CAMKMT: variants seen among roughly 807,000 people sequenced by gnomAD.
CAMKMT encodes the protein CaM KMT.
CAMKMT carries 53 observed loss-of-function variants against 48.0 expected under a neutral mutation model. The ratio of observed to expected loss-of-function variants is 1.10; its 90% CI spans 0.89 to 1.39. The LOEUF (loss-of-function observed/expected upper bound fraction) is 1.39. Among genes scored for constraint, CAMKMT ranks in the 40% most tolerant of loss-of-function variants. The pLI, the probability that CAMKMT is intolerant of heterozygous loss-of-function variation, is 0.00. For synonymous variants in CAMKMT, 165 were observed against 152.3 expected, an observed-to-expected ratio of 1.08 and a Z score of -0.61; for missense variants, 428 against 402.7, an observed-to-expected ratio of 1.06 and a Z score of -0.54.
At chr2:44,478,105 G>A (rs1234403304) in intron 3 of CAMKMT, among the ~76,000 whole-genome samples, 1 of 152,154 alleles carries the variant, frequency 6.6e-6, no homozygotes, top group African/African-American at 2.4e-5. Flanking sequence ...TGTGACCAAA[G>A]ATCTGAATAT....
chr2:44,428,364 A>G (rs1474735968), intron 3 of CAMKMT, among the ~76,000 whole-genome samples: 1 of 152,206 alleles, frequency 6.6e-6, no homozygotes, highest in Non-Finnish European at 1.5e-5. Flanking sequence ...CTCGACGTTC[A>G]GACACATCTT....
At chr2:44,436,520 A>G (rs552735266) in intron 3 of CAMKMT, among the ~76,000 whole-genome samples, 1 of 151,952 alleles carries the variant, frequency 6.6e-6, no homozygotes, top group East Asian at 1.9e-4. Context: ...GATAGTAAAT[A>G]TTTTAGGTTT....
chr2:44,550,405 A>G (rs1013689442), intron 3 of CAMKMT, among the ~76,000 whole-genome samples: 8 of 152,098 alleles, frequency 5.3e-5, no homozygotes, highest in Admixed American at 3.9e-4. Flanking sequence ...AAGAAAAAAA[A>G]AAAGAAAGAA....
chr2:44,624,254 T>C (rs1672351828), intron 3 of CAMKMT, among the ~76,000 whole-genome samples: 1 of 152,226 alleles, frequency 6.6e-6, no homozygotes, highest in African/African-American at 2.4e-5. Context: ...ATATAAATTT[T>C]CATTATTCTT....
chr2:44,664,522 G>C (rs1305072062), intron 3 of CAMKMT, among the ~76,000 whole-genome samples: 1 of 152,136 alleles, frequency 6.6e-6, no homozygotes, highest in African/African-American at 2.4e-5. Context: ...TATTGGCTCA[G>C]CTTTTATTTC....
intron 3 of CAMKMT, among the ~76,000 whole-genome samples, chr2:44,590,633 A>C (rs1348508075): frequency 6.6e-6 from 1 of 151,938 alleles, no homozygotes; most frequent in African/African-American, 2.4e-5. Flanking sequence ...ATTTGAGTTC[A>C]TTGTATATTC....
chr2:44,630,020 A>G (rs1672723760), intron 3 of CAMKMT, among the ~76,000 whole-genome samples: 1 of 151,598 alleles, frequency 6.6e-6, no homozygotes. Flanking sequence ...AGTAACCAAA[A>G]CAGCATGGTA....
intron 3 of CAMKMT, among the ~76,000 whole-genome samples, chr2:44,547,566 C>T (rs1226266620): frequency 6.6e-6 from 1 of 151,886 alleles, no homozygotes; most frequent in African/African-American, 2.4e-5. Context: ...TGAAAGATGA[C>T]CCTAAACTTA....
intron 3 of CAMKMT, among the ~76,000 whole-genome samples, chr2:44,575,800 T>C (rs985804959): frequency 2.6e-5 from 4 of 151,058 alleles, no homozygotes; most frequent in African/African-American, 9.7e-5. Context: ...AAGACTGCAG[T>C]CAGCCATGTA....
intron 3 of CAMKMT, among the ~76,000 whole-genome samples, chr2:44,507,111 A>T (rs2104757535): frequency 6.6e-6 from 1 of 151,930 alleles, no homozygotes; most frequent in African/African-American, 2.4e-5. Flanking sequence ...ATCAGAAAGG[A>T]ATAGAAAAAT....
intron 1 of CAMKMT, 143 bp downstream of exon 1, chr2:44,362,288 C>T: frequency 1.5e-6 from 1 of 660,786 alleles, no homozygotes. Flanking sequence ...CGAAGCTCCC[C>T]CTCGCTTCAC....
At chr2:44,418,302 A>C (rs965317061) in intron 3 of CAMKMT, among the ~76,000 whole-genome samples, 7 of 152,014 alleles carry the variant, frequency 4.6e-5, no homozygotes, top group African/African-American at 1.4e-4. Context: ...TGTTTAAAAA[A>C]ATCTATGAAT....
chr2:44,584,650 A>G (rs968893827), intron 3 of CAMKMT, among the ~76,000 whole-genome samples: 1 of 152,226 alleles, frequency 6.6e-6, no homozygotes, highest in African/African-American at 2.4e-5. Flanking sequence ...TGCTATACAT[A>G]AAGCATGGTA....
At chr2:44,518,227 C>G (rs1442082379) in intron 3 of CAMKMT, among the ~76,000 whole-genome samples, 1 of 151,990 alleles carries the variant, frequency 6.6e-6, no homozygotes, top group Non-Finnish European at 1.5e-5. Flanking sequence ...AGTCTTGTCT[C>G]TCTGGTTATT....
intron 7 of CAMKMT, among the ~76,000 whole-genome samples, chr2:44,715,579 G>A (rs1309632994): frequency 6.6e-6 from 1 of 152,174 alleles, no homozygotes; most frequent in Non-Finnish European, 1.5e-5. Flanking sequence ...AACAAGATAA[G>A]TATATTAAAC....
chr2:44,480,354 A>G (rs1189499837), intron 3 of CAMKMT, among the ~76,000 whole-genome samples: 1 of 152,216 alleles, frequency 6.6e-6, no homozygotes, highest in Non-Finnish European at 1.5e-5. Context: ...CATATTAGGT[A>G]TAACAATTGT....
At chr2:44,526,977 A>G (rs1666148327) in intron 3 of CAMKMT, among the ~76,000 whole-genome samples, 1 of 151,954 alleles carries the variant, frequency 6.6e-6, no homozygotes, top group African/African-American at 2.4e-5. Context: ...GTTTTAAAAC[A>G]ATTTTACAAC....
chr2:44,600,629 A>G (rs1670930706), intron 3 of CAMKMT, among the ~76,000 whole-genome samples: 2 of 152,054 alleles, frequency 1.3e-5, no homozygotes, highest in South Asian at 4.1e-4. Context: ...ATATTTAGGT[A>G]CCTCAACTTG....
chr2:44,379,969 A>C (rs1373442581), intron 2 of CAMKMT, among the ~76,000 whole-genome samples: 1 of 151,948 alleles, frequency 6.6e-6, no homozygotes, highest in Non-Finnish European at 1.5e-5. Flanking sequence ...TGATGCACAA[A>C]ATTTTTAATT....
Sources: allele counts gnomAD v4.1 joint callset (sites outside exome capture counted in the v4.1 genomes callset), GRCh38; gene constraint gnomAD v4.1.1; transcripts MANE v1.5; gene names NCBI Gene and HGNC (gene_info 2026-07-23, HGNC 2026-07-21).